METAP2: variants seen among roughly 807,000 people sequenced by gnomAD.
METAP2 encodes the protein methionyl aminopeptidase 2.
METAP2 carries 25 observed loss-of-function variants against 59.4 expected under a neutral mutation model. The observed-to-expected ratio is 0.42, with a 90% CI of 0.31 to 0.59. METAP2 has a LOEUF of 0.59. Among genes scored for constraint, METAP2 ranks in the 20% least tolerant of loss-of-function variants. The pLI is 0.16. For missense variants in METAP2, 366 were observed against 581.2 expected (o/e 0.63, Z 3.81); for synonymous variants, 214 against 194.1 (o/e 1.10, Z -0.85).
intron 8 of METAP2, among the ~76,000 whole-genome samples, chr12:95,510,365 T>C (rs2076393589): frequency 6.6e-6 from 1 of 152,186 alleles, no homozygotes; most frequent in Non-Finnish European, 1.5e-5. Context: ...CTCACAGTGT[T>C]GGAGGCTGGG....
At chr12:95,495,264 G>A in intron 6 of METAP2, 126 bp downstream of exon 6, 3 of 736,698 alleles carry the variant, frequency 4.1e-6, no homozygotes, top group Non-Finnish European at 6.4e-6. Context: ...CATTAGGAAA[G>A]GTGTGTTGAG....
At chr12:95,492,590 G>A (rs922644035) in intron 4 of METAP2, among the ~76,000 whole-genome samples, 14 of 151,812 alleles carry the variant, frequency 9.2e-5, no homozygotes, top group African/African-American at 3.1e-4. Flanking sequence ...TTTAGAGACA[G>A]GGTCTTGGTC....
intron 7 of METAP2, among the ~76,000 whole-genome samples, chr12:95,500,700 T>A (rs1594429975): frequency 1.3e-5 from 2 of 152,224 alleles, no homozygotes; most frequent in African/African-American, 2.4e-5. Flanking sequence ...CTGTTTTTCT[T>A]ATGTTGAACC....
At chr12:95,493,670 A>G (rs2076255602) in intron 4 of METAP2, among the ~76,000 whole-genome samples, 1 of 152,194 alleles carries the variant, frequency 6.6e-6, no homozygotes, top group Non-Finnish European at 1.5e-5. Context: ...TTAAATGCAA[A>G]TTGTTGTTGT....
chr12:95,493,923 C>T lies in METAP2; in HGVS notation c.429-133C>T, dbSNP rs543973521. On this transcript the variant is annotated intron_variant, in intron 4 of 10. Transcript: ENST00000323666. ...TGCAAGTGTTTGGCTTTTTGTATTT[C>T]AGAAACTTTATTGACATAAACTGAA... 51 of 704,244 alleles carry T rather than the reference C, an allele frequency of 7.2e-5. 2 individuals are homozygous for T. In the South Asian group the frequency reaches 1.9e-3, roughly 26 times the overall value. 43.6% of individuals were successfully genotyped at this position (704,244 alleles called of 1,614,324 possible).
At chr12:95,486,306 C>T (rs139147748) in intron 4 of METAP2, among the ~76,000 whole-genome samples, 142 of 152,050 alleles carry the variant, frequency 9.3e-4, no homozygotes, top group African/African-American at 3.4e-3. Flanking sequence ...ATTCATAATG[C>T]GTTATCTACA....
intron 6 of METAP2, among the ~76,000 whole-genome samples, chr12:95,495,745 G>A (rs1484241738): frequency 6.6e-6 from 1 of 152,046 alleles, no homozygotes; most frequent in Admixed American, 6.6e-5. Context: ...TTGTATAACT[G>A]CCAGGGTGAG....
chr12:95,493,355 A>AC (rs1370559925), intron 4 of METAP2, among the ~76,000 whole-genome samples: 1 of 152,190 alleles, frequency 6.6e-6, no homozygotes, highest in Non-Finnish European at 1.5e-5. Context: ...GCTGGTATGC[A>AC]CCTGTATACT....
intron 9 of METAP2, among the ~76,000 whole-genome samples, chr12:95,512,483 A>C (rs533935213): frequency 6.6e-6 from 1 of 152,174 alleles, no homozygotes; most frequent in African/African-American, 2.4e-5. Context: ...CAAGGCAGGC[A>C]GATCACCTGA....
chr12:95,491,654 G>A (rs917086697), intron 4 of METAP2, among the ~76,000 whole-genome samples: 1 of 151,928 alleles, frequency 6.6e-6, no homozygotes, highest in Admixed American at 6.6e-5. Flanking sequence ...GGGACTACAG[G>A]TGTGCACTGT....
At chr12:95,485,000 G>A (rs1196480540) in intron 3 of METAP2, 8 of 405,244 alleles carry the variant, frequency 2.0e-5, no homozygotes, top group Middle Eastern at 1.4e-3. Flanking sequence ...TATAATCATG[G>A]GCAGTTCACT....
At chr12:95,485,668 T>A in intron 3 of METAP2, 2 of 443,988 alleles carry the variant, frequency 4.5e-6, no homozygotes, top group Non-Finnish European at 7.9e-6. Flanking sequence ...ATAATGGAGT[T>A]CTGAGGAGTT....
chr12:95,483,361 A>G, intron 3 of METAP2, 81 bp downstream of exon 3: 1 of 1,084,562 alleles, frequency 9.2e-7, no homozygotes, highest in Non-Finnish European at 1.4e-6. Flanking sequence ...CTGTGATCCC[A>G]GCTACTCCGG....
Position 95,494,097 on chromosome 12 carries a change from C to T in METAP2, c.470C>T (p.Ala157Val). 1 of 1,613,794 alleles carries T rather than the reference C, an allele frequency of 6.2e-7. No individual in the cohort carries two copies. Among genetic ancestry groups the T allele is most frequent in the Non-Finnish European group, 8.5e-7 (1 of 1,179,878 alleles). Residue 157 changes from alanine (A) to valine (V), a missense_variant, in exon 5 of 11, where the codon GCA (alanine) becomes GTA (valine). Ala to Val is a moderately conservative substitution (Grantham distance 64, BLOSUM62 0). This residue lies in a region of METAP2 where 106 missense variants were observed against 221.9 expected (regional missense o/e 0.48). Coordinates refer to ENST00000323666, the MANE Select transcript of METAP2 (RefSeq NM_006838.4). ...AWRTTSEEKKALDQASEEIWN... is the reference protein window; with the variant it reads ...AWRTTSEEKKVLDQASEEIWN... ...AGAACTACAAGTGAAGAAAAGAAAGCATTAGATCAGGCAAGTGAAGAGATT... is the reference window on the plus strand; with the variant it reads ...AGAACTACAAGTGAAGAAAAGAAAGTATTAGATCAGGCAAGTGAAGAGATT...
At chr12:95,506,382 C>T (rs924005164) in intron 8 of METAP2, among the ~76,000 whole-genome samples, 4 of 150,344 alleles carry the variant, frequency 2.7e-5, no homozygotes, top group Admixed American at 6.6e-5. Flanking sequence ...CGGCAACCTC[C>T]GCTTCCCGGG....
At chr12:95,479,800 GGTTTC>G (rs1313253818) in intron 2 of METAP2, among the ~76,000 whole-genome samples, 3 of 152,030 alleles carry the variant, frequency 2.0e-5, no homozygotes, top group Non-Finnish European at 4.4e-5. Context: ...GTAGAGACAG[GGTTTC>G]ACCATGTTGG....
intron 4 of METAP2, among the ~76,000 whole-genome samples, chr12:95,492,954 T>C (rs2076249933): frequency 6.6e-6 from 1 of 152,218 alleles, no homozygotes; most frequent in South Asian, 2.1e-4. Context: ...AGTGGGCACA[T>C]GTTGCAATAA....
intron 8 of METAP2, among the ~76,000 whole-genome samples, chr12:95,505,970 A>C (rs998805502): frequency 6.6e-6 from 1 of 151,436 alleles, no homozygotes; most frequent in Non-Finnish European, 1.5e-5. Context: ...GATGGCACAC[A>C]CCTGTAATCT....
chr12:95,509,833 A>ACCG (rs1188114385), intron 8 of METAP2, among the ~76,000 whole-genome samples: 1 of 118,602 alleles, frequency 8.4e-6, no homozygotes, highest in African/African-American at 3.3e-5. Flanking sequence ...TTTTTTTAAG[A>ACCG]CCTCCCCCCC....
Sources: allele counts gnomAD v4.1 joint callset (sites outside exome capture counted in the v4.1 genomes callset), GRCh38; gene constraint gnomAD v4.1.1; regional missense constraint gnomAD v4.1.1; transcripts MANE v1.5; gene names NCBI Gene and HGNC (gene_info 2026-07-23, HGNC 2026-07-21).